C2CD2L: variants seen among roughly 807,000 people sequenced by gnomAD.
C2CD2L encodes the protein phospholipid transfer protein C2CD2L.
A neutral mutation model predicts 69.9 loss-of-function variants in C2CD2L; 24 were observed. That is an observed-to-expected ratio of 0.34 (90% CI 0.25 to 0.48). C2CD2L has a LOEUF of 0.48. Ranked by LOEUF, C2CD2L falls within the 20% of genes least tolerant of loss-of-function variation. The pLI is 0.99. For synonymous variants in C2CD2L, 367 were observed against 391.0 expected (o/e 0.94, Z 0.72); for missense variants, 811 against 941.5 (o/e 0.86, Z 1.81).
rs1946895005 is a variant in C2CD2L at position 119,116,428 on chromosome 11, T to TGAGA, written c.*174_*177dup. 1.6e-6 allele frequency: 1 copy of TGAGA among 619,204 alleles called. No homozygotes were observed. Among genetic ancestry groups the TGAGA allele is most frequent in the East Asian group, 2.7e-5 (1 of 36,382 alleles). The allele number at this position is 619,204 out of a possible 1,614,324, so 38.4% of individuals were successfully genotyped here. A position where few individuals can be genotyped will look rare whatever the true frequency, so the allele number is the denominator to read the frequency against. On this transcript the variant is annotated 3_prime_UTR_variant, in exon 14 of 14. Transcript: ENST00000648610. ...AAGGATACTTGGAACGGGAAGCACA[T>TGAGA]GAGAGGTGGGCACCCGGTGCCGAGG...
At position 119,113,621 on chromosome 11, in the gene C2CD2L, C is replaced by T; in HGVS notation, c.1398C>T (p.Ser466=). The T allele has an allele frequency of 6.2e-7, 1 of 1,613,278 alleles. No individual in the cohort carries two copies. The highest frequency in any genetic ancestry group is 8.5e-7 in the Non-Finnish European group (1 of 1,179,520). ...PRIDGKLDSP[S]RSPSKVEVTE... is the part of the protein sequence containing the mutation. ...TCCCCCACCCACCAGACTCCCCCTC[C>T]CGCTCCCCGTCCAAGGTGGAGGTGA... The change falls in exon 11 of 14, where the codon TCC becomes TCT. Residue 466 remains serine (S), a synonymous_variant. Coordinates refer to ENST00000648610, the MANE Select transcript of C2CD2L (RefSeq NM_001290474.2).
Position 119,117,809 on chromosome 11 carries a change from T to G in C2CD2L, c.*1553T>G, listed in dbSNP as rs906132705. ...ATGCAGGACCAGGAAGCAAGAAAAC[T>G]GAGTCTGCCACAGACAAACCAAGTG... On this transcript the variant is annotated 3_prime_UTR_variant, in exon 14 of 14. Coordinates refer to ENST00000648610, the MANE Select transcript of C2CD2L (RefSeq NM_001290474.2). 1 of 151,494 alleles carries G rather than the reference T, an allele frequency of 6.6e-6. No homozygotes were observed. The highest frequency in any genetic ancestry group is 1.5e-5 in the Non-Finnish European group (1 of 68,022). The allele number at this position is 151,494 out of a possible 1,614,324, so 9.4% of individuals were successfully genotyped here.
chr11:119,110,531 C>T lies in C2CD2L; in HGVS notation c.451-30C>T. 6.3e-7 allele frequency: 1 copy of T among 1,599,014 alleles called. No homozygotes were observed. The highest frequency in any genetic ancestry group is 1.1e-5 in the South Asian group (1 of 89,804). Reference sequence around the variant, plus strand: ...TTCAAAGCAGGGTGAGCACCCTTCCCCCACATCTGACCCACCTCGCCGGTC... The same window carrying T: ...TTCAAAGCAGGGTGAGCACCCTTCCTCCACATCTGACCCACCTCGCCGGTC... On this transcript the variant is annotated intron_variant, in intron 2 of 13. Coordinates refer to ENST00000648610, the MANE Select transcript of C2CD2L (RefSeq NM_001290474.2). The surrounding 1 kb of genome is among the most constrained non-coding windows in gnomAD (Gnocchi z 5.7).
rs1304305032 is a variant in C2CD2L at position 119,110,246 on chromosome 11, GAC to G, written c.450+48_450+49del. On this transcript the variant is annotated intron_variant, in intron 2 of 13. Transcript: ENST00000648610. The surrounding 1 kb of genome is among the most constrained non-coding windows in gnomAD (Gnocchi z 5.7). ...CCCTCTTTGGGGTCCAAGAAGGACT[GAC>G]CCCAAGGGCTCCCTTTAGTCCAGAG... The G allele has an allele frequency of 7.4e-7, 1 of 1,353,890 alleles. No homozygotes were observed. Among genetic ancestry groups the G allele is most frequent in the Non-Finnish European group, 1.1e-6 (1 of 943,586 alleles). The allele number at this position is 1,353,890 out of a possible 1,614,324, so 83.9% of individuals were successfully genotyped here.
chr11:119,112,030 G>T, intron 7 of C2CD2L: 1 of 476,966 alleles, frequency 2.1e-6, no homozygotes, highest in Non-Finnish European at 3.8e-6. Flanking sequence ...AAGTATTCTC[G>T]GCAGAGGGAA....
rs780357934 is a variant in C2CD2L, at chr11:119,108,066, G to T, written c.325G>T (p.Ala109Ser). 2 of 1,599,686 alleles carry T rather than the reference G, an allele frequency of 1.3e-6. No homozygotes were observed. Among genetic ancestry groups the T allele is most frequent in the East Asian group, 2.4e-5 (1 of 42,356 alleles). ...GAACTGGCAGCGGGCTTGGGTGCGA[G>T]CGCTGAACGAGCAGGCCTGCAGAAA... The part of the protein sequence containing the change: ...RENWQRAWVR[A>S]LNEQACRNGS... The change falls in exon 1 of 14, where the codon GCG (alanine) becomes TCG (serine). Residue 109 changes from alanine (A) to serine (S), a missense_variant. Coordinates refer to ENST00000648610, the MANE Select transcript of C2CD2L (RefSeq NM_001290474.2).
chr11:119,106,267 C>T (rs1195809051), upstream of C2CD2L, among the ~76,000 whole-genome samples: 2 of 152,210 alleles, frequency 1.3e-5, no homozygotes, highest in Non-Finnish European at 2.9e-5. Context: ...GTGCTCATTC[C>T]TCAGACAACT....
chr11:119,110,315 A>T lies in C2CD2L; in HGVS notation c.450+116A>T. ...CTGTGAATGCCTTATGGATCTAAGG[A>T]TTGGTTTCAGGAAGTCTGAGAATCC... On this transcript the variant is annotated intron_variant, in intron 2 of 13. Transcript: ENST00000648610. This position sits in a 1 kb window ranked among gnomAD's most constrained non-coding sequence, Gnocchi z 5.7. The T allele has an allele frequency of 1.2e-6, 1 of 846,520 alleles. No individual in the cohort carries two copies. Among genetic ancestry groups the T allele is most frequent in the East Asian group, 2.6e-5 (1 of 38,358 alleles). The allele number at this position is 846,520 out of a possible 1,614,324, so 52.4% of individuals were successfully genotyped here. A position where few individuals can be genotyped will look rare whatever the true frequency, so the allele number is the denominator to read the frequency against.
At chr11:119,104,666 G>A (rs933044644), upstream of C2CD2L, among the ~76,000 whole-genome samples, 1 of 152,236 alleles carries the variant, frequency 6.6e-6, no homozygotes, top group African/African-American at 2.4e-5. Flanking sequence ...TCACAGACCA[G>A]TTGACTTGTC....
chr11:119,107,070 G>A (rs1249020068), upstream of C2CD2L: 1 of 152,286 alleles, frequency 6.6e-6, no homozygotes, highest in East Asian at 1.9e-4. The surrounding 1 kb of genome is among the most constrained non-coding windows in gnomAD (Gnocchi z 5.4). Context: ...TAACCTCACA[G>A]GCGTCCGACC....
rs762137452 is a variant in C2CD2L at position 119,110,797 on chromosome 11, C to T, written c.571-50C>T. The stretch of plus-strand genomic sequence containing the variant: ...AAGGGAGAGTCCTCGAATTAGGAGT[C>T]CTTGGGTAAATGGGGCAAGTCAGCC... On this transcript the variant is annotated intron_variant, in intron 3 of 13. Transcript: ENST00000648610. The surrounding 1 kb of genome is among the most constrained non-coding windows in gnomAD (Gnocchi z 5.7). 5 of 1,608,236 alleles carry T rather than the reference C, an allele frequency of 3.1e-6. No individual in the cohort carries two copies. Among genetic ancestry groups the T allele is most frequent in the Non-Finnish European group, 4.3e-6 (5 of 1,175,616 alleles).
At position 119,111,579 on chromosome 11, in the gene C2CD2L, C is replaced by G; in HGVS notation, c.969C>G (p.Thr323=). 1.2e-6 allele frequency: 2 copies of G among 1,614,158 alleles called. No individual in the cohort carries two copies. Among genetic ancestry groups the G allele is most frequent in the Non-Finnish European group, 1.7e-6 (2 of 1,180,042 alleles). The change falls in exon 7 of 14, where the codon ACC becomes ACG. Residue 323 remains threonine (T), a synonymous_variant. Coordinates refer to ENST00000648610, the MANE Select transcript of C2CD2L (RefSeq NM_001290474.2). ...ACAACCCCATGCAGCAGAAGTGGAC[C>G]AAGCCCGCGAGGGCTGGATCCGAGG... ...ELDNPMQQKW[T]KPARAGSEVE...
intron 1 of C2CD2L, among the ~76,000 whole-genome samples, chr11:119,108,709 A>C (rs1946658345): frequency 6.6e-6 from 1 of 152,130 alleles, no homozygotes; most frequent in African/African-American, 2.4e-5. Flanking sequence ...AGTCCAGCCT[A>C]CTTCCTCCCA....
At position 119,117,097 on chromosome 11, in the gene C2CD2L, T is replaced by G. The variant is rs1175673646; in HGVS notation, c.*841T>G. The G allele has an allele frequency of 6.5e-6, 1 of 152,678 alleles. No individual in the cohort carries two copies. Among genetic ancestry groups the G allele is most frequent in the African/African-American group, 2.4e-5 (1 of 41,460 alleles). 9.5% of individuals were successfully genotyped at this position (152,678 alleles called of 1,614,324 possible). Reference sequence around the variant, plus strand: ...GTGTGATGGCTTGGAATTTAATTTATTAAAGTCAAATTGGAGTTTATAAAC... The same window carrying G: ...GTGTGATGGCTTGGAATTTAATTTAGTAAAGTCAAATTGGAGTTTATAAAC... On this transcript the variant is annotated 3_prime_UTR_variant, in exon 14 of 14. Coordinates refer to ENST00000648610, the MANE Select transcript of C2CD2L (RefSeq NM_001290474.2).
upstream of C2CD2L, among the ~76,000 whole-genome samples, chr11:119,102,860 CTTTTTTTTTTTTTTT>C (rs141575057): frequency 4.6e-5 from 2 of 43,414 alleles, no homozygotes; most frequent in South Asian, 1.5e-3. Flanking sequence ...AATTCACCAG[CTTTTTTTTTTTTTTT>C]TTTTTTTTTT....
At chr11:119,113,258 T>A (rs1946797379) in intron 10 of C2CD2L, 2 of 385,496 alleles carry the variant, frequency 5.2e-6, no homozygotes. Context: ...CCCAGAGGCC[T>A]CTGTGGCATT....
chr11:119,112,002 G>A, intron 7 of C2CD2L: 1 of 452,120 alleles, frequency 2.2e-6, no homozygotes, highest in Non-Finnish European at 4.0e-6. Context: ...GCAAGAGTAG[G>A]ATTTCATCAG....
upstream of C2CD2L, among the ~76,000 whole-genome samples, chr11:119,104,841 GTCTGGGGCTGTGATACTTGCAGGACTCTA>G (rs1430136632): frequency 6.6e-6 from 1 of 152,212 alleles, no homozygotes; most frequent in African/African-American, 2.4e-5. Context: ...CCTCTGGATA[GTCTGGGGCTGTGATACTTGCAGGACTCTA>G]TCTGTGGCTC....
At position 119,111,298 on chromosome 11, in the gene C2CD2L, T is replaced by C; in HGVS notation, c.834T>C (p.Ala278=). 4 of 1,614,190 alleles carry C rather than the reference T, an allele frequency of 2.5e-6. No homozygotes were observed. The highest frequency in any genetic ancestry group is 3.4e-6 in the Non-Finnish European group (4 of 1,180,036). Residue 278 remains alanine, a synonymous_variant, in exon 6 of 14, where the codon GCT becomes GCC. Coordinates refer to ENST00000648610, the MANE Select transcript of C2CD2L (RefSeq NM_001290474.2). ...AGAAGCCACCCATGATGCCCCAGGCTCAGCCAGCCATCCCCAGACCTAACC... is the reference window on the plus strand; with the variant it reads ...AGAAGCCACCCATGATGCCCCAGGCCCAGCCAGCCATCCCCAGACCTAACC... The part of the protein sequence containing the change: ...PSEKPPMMPQ[A]QPAIPRPNRL...
Sources: allele counts gnomAD v4.1 joint callset (sites outside exome capture counted in the v4.1 genomes callset), GRCh38; gene constraint gnomAD v4.1.1; non-coding constraint Gnocchi (gnomAD v3.1); transcripts MANE v1.5; gene names NCBI Gene and HGNC (gene_info 2026-07-23, HGNC 2026-07-21).